The following NIPAL2 variants were observed in gnomAD, a reference collection of about 807,000 sequenced individuals.
The protein encoded by NIPAL2 is NIPA-like protein 2.
A neutral mutation model predicts 48.9 loss-of-function variants in NIPAL2; 43 were observed. The ratio of observed to expected loss-of-function variants is 0.88; its 90% CI spans 0.69 to 1.13. The LOEUF (loss-of-function observed/expected upper bound fraction) is 1.13. Among genes scored for constraint, NIPAL2 ranks in the 50% most tolerant of loss-of-function variants. The pLI, the probability that NIPAL2 is intolerant of heterozygous loss-of-function variation, is 0.00. For missense variants in NIPAL2, 446 were observed against 461.4 expected, an observed-to-expected ratio of 0.97 and a Z score of 0.31; for synonymous variants, 167 against 174.6, an observed-to-expected ratio of 0.96 and a Z score of 0.34.
rs532905442 is a variant in NIPAL2, at chr8:98,279,883, G to A, written c.135+14120C>T. 2.6e-5 allele frequency among the ~76,000 whole-genome samples: 4 copies of A among 152,314 alleles called. No individual in the cohort carries two copies. In the East Asian group the frequency reaches 5.8e-4, roughly 22 times the overall value. On this transcript the variant is annotated intron_variant, in intron 1 of 10. Transcript: ENST00000430223. ...TGCTCACTGTTGTCACCACTGCAGC[G>A]TAATTTCTGGCTTTTCCAGGATGTC...
At chr8:98,218,366 A>G (rs1159408053) in intron 5 of NIPAL2, among the ~76,000 whole-genome samples, 1 of 152,232 alleles carries the variant, frequency 6.6e-6, no homozygotes, top group African/African-American at 2.4e-5. Flanking sequence ...AGTGCTTATC[A>G]CGGACTGATG....
chr8:98,242,240 C>T (rs564381196), intron 3 of NIPAL2, among the ~76,000 whole-genome samples: 38 of 152,184 alleles, frequency 2.5e-4, no homozygotes, highest in African/African-American at 7.0e-4. Context: ...AGTGCAGTGG[C>T]GCAACCATGG....
intron 1 of NIPAL2, among the ~76,000 whole-genome samples, chr8:98,258,991 C>A (rs1356135998): frequency 6.7e-6 from 1 of 149,756 alleles, no homozygotes; most frequent in African/African-American, 2.5e-5. Context: ...GCTATGACAC[C>A]AAATACACAG....
chr8:98,212,281 T>C lies in NIPAL2; in HGVS notation c.655+124A>G, dbSNP rs535487204. 12 of 489,582 alleles carry C rather than the reference T, an allele frequency of 2.5e-5. No individual in the cohort carries two copies. The South Asian group carries it at 3.7e-4, about 15-fold the overall frequency. The allele number at this position is 489,582 out of a possible 1,614,324, so 30.3% of individuals were successfully genotyped here. ...ATAATTTAGACTCAGTTTCTTCCTA[T>C]AGATCAGAGCTGAAAAATATAAACC... On this transcript the variant is annotated intron_variant, in intron 6 of 10. Coordinates refer to ENST00000430223, the MANE Select transcript of NIPAL2 (RefSeq NM_001321635.2).
chr8:98,200,817 T>C (rs1473134091), intron 8 of NIPAL2, among the ~76,000 whole-genome samples: 7 of 152,160 alleles, frequency 4.6e-5, no homozygotes, highest in African/African-American at 1.7e-4. Context: ...AGCCATCCTA[T>C]TGGGTGTGAG....
intron 6 of NIPAL2, among the ~76,000 whole-genome samples, chr8:98,207,785 T>C (rs1014452610): frequency 6.6e-6 from 1 of 152,386 alleles, no homozygotes; most frequent in East Asian, 1.9e-4. Context: ...AGGTATATGC[T>C]ACTTAGGAGC....
intron 4 of NIPAL2, among the ~76,000 whole-genome samples, chr8:98,234,134 A>G (rs761405013): frequency 6.6e-6 from 1 of 152,214 alleles, no homozygotes; most frequent in Non-Finnish European, 1.5e-5. Context: ...ATGATCCTAC[A>G]GTGCACAGGG....
chr8:98,243,421 G>T (rs796270829), intron 3 of NIPAL2, among the ~76,000 whole-genome samples: 1 of 152,140 alleles, frequency 6.6e-6, no homozygotes, highest in African/African-American at 2.4e-5. Flanking sequence ...GTGGGGGAGG[G>T]TGCCAGTCCC....
intron 4 of NIPAL2, among the ~76,000 whole-genome samples, chr8:98,230,784 G>A (rs141579049): frequency 6.6e-6 from 1 of 152,272 alleles, no homozygotes; most frequent in Non-Finnish European, 1.5e-5. Flanking sequence ...CCTCTAGCTG[G>A]CGGAGTCTTG....
At chr8:98,236,009 G>T (rs1812691923) in intron 4 of NIPAL2, 146 bp downstream of exon 4, 1 of 558,378 alleles carries the variant, frequency 1.8e-6, no homozygotes, top group Non-Finnish European at 3.2e-6. Flanking sequence ...GCAGCTCCAA[G>T]ACAGAATAAT....
chr8:98,260,746 G>T (rs1477535464), intron 1 of NIPAL2, among the ~76,000 whole-genome samples: 1 of 152,266 alleles, frequency 6.6e-6, no homozygotes, highest in Non-Finnish European at 1.5e-5. Context: ...AAACAAAGCA[G>T]CCGGGAAGCT....
intron 5 of NIPAL2, among the ~76,000 whole-genome samples, chr8:98,221,910 T>C (rs901772730): frequency 1.3e-5 from 2 of 152,174 alleles, no homozygotes; most frequent in African/African-American, 4.8e-5. Flanking sequence ...GAAATACCAT[T>C]TGACCCAGCA....
At chr8:98,258,529 G>T (rs1814044474) in intron 1 of NIPAL2, among the ~76,000 whole-genome samples, 1 of 152,056 alleles carries the variant, frequency 6.6e-6, no homozygotes, top group Non-Finnish European at 1.5e-5. Context: ...GGCCTGAGAA[G>T]GACTCCGTAC....
chr8:98,199,128 G>A (rs558311907), intron 8 of NIPAL2, among the ~76,000 whole-genome samples: 42 of 151,862 alleles, frequency 2.8e-4, no homozygotes, highest in Non-Finnish European at 5.0e-4. Context: ...GGCTAATTTT[G>A]TATTTTTAGT....
intron 4 of NIPAL2, among the ~76,000 whole-genome samples, chr8:98,230,507 G>A (rs188290176): frequency 8.5e-4 from 130 of 152,268 alleles, no homozygotes; most frequent in Non-Finnish European, 7.9e-4. Flanking sequence ...AGCATTCACC[G>A]TAAATCTCCC....
At chr8:98,218,489 C>T (rs1045737886) in intron 5 of NIPAL2, among the ~76,000 whole-genome samples, 1 of 151,954 alleles carries the variant, frequency 6.6e-6, no homozygotes, top group African/African-American at 2.4e-5. Flanking sequence ...AGTTGGGAAG[C>T]CCAATCTTAA....
intron 1 of NIPAL2, among the ~76,000 whole-genome samples, chr8:98,280,172 A>T (rs1397365180): frequency 6.6e-6 from 1 of 152,172 alleles, no homozygotes; most frequent in Non-Finnish European, 1.5e-5. Flanking sequence ...GGAATTGGTG[A>T]TCTGTCCCAG....
chr8:98,262,729 A>C (rs913423523), intron 1 of NIPAL2, among the ~76,000 whole-genome samples: 3,192 of 151,464 alleles, frequency 0.021, 86 homozygotes, highest in African/African-American at 0.073. Context: ...CGAGACAGAA[A>C]GTCAACAAGG....
In NIPAL2 at chr8:98,192,519, G is replaced by T; in HGVS notation, c.*459C>A. ...GTACTTGAAAGGTGAGATTTTTATA[G>T]GGAGGCTTATAAAAGGTGTCTTAGA... is the stretch of plus-strand genomic sequence containing the variant. On this transcript the variant is annotated 3_prime_UTR_variant, in exon 11 of 11. Coordinates refer to ENST00000430223, the MANE Select transcript of NIPAL2 (RefSeq NM_001321635.2). The T allele has an allele frequency of 6.5e-6, 1 of 153,992 alleles. No homozygotes were observed. Among genetic ancestry groups the T allele is most frequent in the Non-Finnish European group, 1.4e-5 (1 of 69,258 alleles). 9.5% of individuals were successfully genotyped at this position (153,992 alleles called of 1,614,324 possible). A position where few individuals can be genotyped will look rare whatever the true frequency, so the allele number is the denominator to read the frequency against.
Sources: allele counts gnomAD v4.1 joint callset (sites outside exome capture counted in the v4.1 genomes callset), GRCh38; gene constraint gnomAD v4.1.1; transcripts MANE v1.5; gene names NCBI Gene and HGNC (gene_info 2026-07-23, HGNC 2026-07-21).